Variants in RASA1 observed in about 807,000 individuals in gnomAD.
RASA1 encodes ras GTPase-activating protein 1.
Under a neutral mutation model 132.2 loss-of-function variants are expected in RASA1, and 25 were observed. The observed-to-expected ratio is 0.19, with a 90% CI of 0.14 to 0.26. The LOEUF (loss-of-function observed/expected upper bound fraction) is 0.26, where lower values mean the gene tolerates loss of function less well. RASA1 is among the 10% of genes least tolerant of loss of function. The probability of loss-of-function intolerance (pLI) is 1.00; values close to 1 mark genes in which losing one functional copy is unlikely to be tolerated. For missense variants in RASA1, 964 were observed against 1,299.2 expected (o/e 0.74, Z 3.97); for synonymous variants, 477 against 449.9 (o/e 1.06, Z -0.76).
rs781199990 is a variant in RASA1, at chr5:87,268,709, G to C, written c.258G>C (p.Leu86=). ...SVAGALGGAG[L]TGGGTAAGVA... ...CAGGGGCACTGGGGGGAGCTGGACT[G>C]ACAGGGGGAGGTACTGCTGCTGGCG... The change falls in exon 1 of 25, where the codon CTG becomes CTC. Residue 86 remains leucine, a synonymous_variant. Transcript: ENST00000274376. 4.5e-5 allele frequency: 73 copies of C among 1,612,148 alleles called. No homozygotes were observed. The highest frequency in any genetic ancestry group is 5.9e-5 in the Non-Finnish European group (70 of 1,179,254).
At chr5:87,379,884 G>C in intron 19 of RASA1, 34 bp downstream of exon 19, 1 of 1,591,426 alleles carries the variant, frequency 6.3e-7, no homozygotes, top group Non-Finnish European at 8.6e-7. Flanking sequence ...ACAAGAAATT[G>C]TGTATCTATG....
At chr5:87,352,583 A>G (rs930604167) in intron 8 of RASA1, among the ~76,000 whole-genome samples, 8 of 151,788 alleles carry the variant, frequency 5.3e-5, no homozygotes, top group Non-Finnish European at 1.0e-4. Flanking sequence ...ATATTTCCCA[A>G]TTTGTAGCAC....
At position 87,315,370 on chromosome 5, in the gene RASA1, CCTT is replaced by C. The variant is rs950026241; in HGVS notation, c.540-15975_540-15973del. Among the ~76,000 whole-genome samples the C allele has an allele frequency of 1.6e-4, 25 of 152,298 alleles. 1 individual carries two copies. Among genetic ancestry groups the C allele is most frequent in the Admixed American group, 1.3e-3 (20 of 15,294 alleles). On this transcript the variant is annotated intron_variant, in intron 1 of 24. Transcript: ENST00000274376. ...CAGGAGAATGCCAGCTCAGGTCTCT[CCTT>C]CTCTTATAAAAACCACCAATCCCAT...
chr5:87,285,453 A>G (rs989790889), intron 1 of RASA1, among the ~76,000 whole-genome samples: 5 of 152,072 alleles, frequency 3.3e-5, no homozygotes, highest in South Asian at 2.1e-4. Flanking sequence ...GTGGAATAAA[A>G]GTTTAAATAT....
Position 87,377,011 on chromosome 5 carries a change from C to T in RASA1, c.2315C>T (p.Thr772Ile). ...HEKLESLLLC[T>I]LNDREISMED... ...AAGCTTGAATCGTTGTTGTTATGCA[C>T]ACTAAATGACAGAGAAATAAGCATG... Residue 772 changes from threonine (T) to isoleucine (I), a missense_variant, in exon 17 of 25, where the codon ACA becomes ATA. Around this residue, in one of 6 missense-constraint regions of RASA1, gnomAD observed 346 missense variants for 520.1 expected, o/e 0.67. Transcript: ENST00000274376. 1.9e-6 allele frequency: 3 copies of T among 1,613,718 alleles called. No individual in the cohort carries two copies. Among genetic ancestry groups the T allele is most frequent in the Non-Finnish European group, 2.5e-6 (3 of 1,179,766 alleles).
At chr5:87,271,631 C>T (rs1235560462) in intron 1 of RASA1, among the ~76,000 whole-genome samples, 1 of 151,064 alleles carries the variant, frequency 6.6e-6, no homozygotes, top group Non-Finnish European at 1.5e-5. Context: ...TACAGGTGCC[C>T]GCAACCAGGC....
In RASA1 at chr5:87,330,930, T is replaced by C. The variant is rs1171126440; in HGVS notation, c.540-418T>C. ...TAAAATGGAATAAAACATTTTATAT[T>C]CTCATAGGTTCCATGTGCCTTGTGA... On this transcript the variant is annotated intron_variant, in intron 1 of 24. Coordinates refer to ENST00000274376, the MANE Select transcript of RASA1 (RefSeq NM_002890.3). 2.9e-6 allele frequency: 4 copies of C among 1,400,230 alleles called. No homozygotes were observed. In the Admixed American group the frequency reaches 1.2e-4, roughly 43 times the overall value. 86.7% of individuals were successfully genotyped at this position (1,400,230 alleles called of 1,614,324 possible).
intron 11 of RASA1, among the ~76,000 whole-genome samples, chr5:87,368,465 T>C (rs1004458448): frequency 9.9e-5 from 15 of 152,206 alleles, no homozygotes; most frequent in African/African-American, 3.4e-4. Context: ...TCCTGATGCC[T>C]GTAGTGTCTA....
intron 1 of RASA1, among the ~76,000 whole-genome samples, chr5:87,276,434 A>G (rs1163187045): frequency 6.6e-6 from 1 of 152,184 alleles, no homozygotes; most frequent in Non-Finnish European, 1.5e-5. Flanking sequence ...ATGTCTTGTC[A>G]CATCTCTACA....
At chr5:87,345,966 T>TAAA (rs1758829906) in intron 6 of RASA1, among the ~76,000 whole-genome samples, 1 of 152,136 alleles carries the variant, frequency 6.6e-6, no homozygotes, top group Non-Finnish European at 1.5e-5. Flanking sequence ...AATTACTTTT[T>TAAA]AAATCAGATA....
At chr5:87,275,036 A>G (rs1754005757) in intron 1 of RASA1, among the ~76,000 whole-genome samples, 2 of 152,178 alleles carry the variant, frequency 1.3e-5, no homozygotes, top group African/African-American at 4.8e-5. Context: ...AAACAGGCAA[A>G]CATTACTGGC....
At chr5:87,383,677 CT>C in intron 20 of RASA1, 35 bp from the exon 21 acceptor site, 1 of 1,218,188 alleles carries the variant, frequency 8.2e-7, no homozygotes, top group Admixed American at 2.0e-5. Flanking sequence ...TAGGTGTTTT[CT>C]AAAAAAAAAA....
Position 87,268,265 on chromosome 5 carries a change from A to C in RASA1, c.-187A>C. 1.2e-6 allele frequency: 1 copy of C among 853,044 alleles called. No homozygotes were observed. The highest frequency in any genetic ancestry group is 3.1e-5 in the Admixed American group (1 of 32,614). 52.8% of individuals were successfully genotyped at this position (853,044 alleles called of 1,614,324 possible). A position where few individuals can be genotyped will look rare whatever the true frequency, so the allele number is the denominator to read the frequency against. The stretch of plus-strand genomic sequence containing the variant: ...CCACTTGGCTTCCCGTAACCCAGGC[A>C]GCTGGGGAGCCTGGGCTGTGGCCCT... On this transcript the variant is annotated 5_prime_UTR_variant, in exon 1 of 25. Transcript: ENST00000274376.
At chr5:87,380,230 T>G (rs557947625) in intron 19 of RASA1, among the ~76,000 whole-genome samples, 10 of 152,184 alleles carry the variant, frequency 6.6e-5, no homozygotes, top group Non-Finnish European at 1.5e-4. Flanking sequence ...GAAGTTAACT[T>G]AAGTCTAAAT....
intron 18 of RASA1, among the ~76,000 whole-genome samples, chr5:87,378,758 C>A (rs189398739): frequency 6.6e-6 from 1 of 152,022 alleles, no homozygotes; most frequent in South Asian, 2.1e-4. Context: ...CAAGTTGCAC[C>A]AGAAATTCAT....
At chr5:87,285,324 C>T (rs1010324266) in intron 1 of RASA1, among the ~76,000 whole-genome samples, 2 of 151,966 alleles carry the variant, frequency 1.3e-5, no homozygotes, top group African/African-American at 4.8e-5. Context: ...TCCTCGGCCT[C>T]CCAAAGTGCT....
chr5:87,346,228 A>AGT (rs1758849649), intron 6 of RASA1, among the ~76,000 whole-genome samples: 1 of 152,054 alleles, frequency 6.6e-6, no homozygotes, highest in Non-Finnish European at 1.5e-5. Flanking sequence ...CTTTCAGCAA[A>AGT]GTAAGAGTCA....
At chr5:87,317,400 C>T (rs1756424199) in intron 1 of RASA1, among the ~76,000 whole-genome samples, 2 of 152,114 alleles carry the variant, frequency 1.3e-5, no homozygotes, top group Non-Finnish European at 2.9e-5. Context: ...CAAGTTCACT[C>T]ATCACTTTGC....
rs1241668340 is a variant in RASA1 at position 87,338,526 on chromosome 5, TATATATAAAA to T, written c.1017+436_1017+445del. Among the ~76,000 whole-genome samples the T allele has an allele frequency of 2.6e-4, 26 of 100,896 alleles. No individual in the cohort carries two copies. In the East Asian group the frequency reaches 3.5e-3, roughly 14 times the overall value. The allele number at this position is 100,896 out of a possible 152,430, so 66.2% of individuals were successfully genotyped here. On this transcript the variant is annotated intron_variant, in intron 5 of 24. Coordinates refer to ENST00000274376, the MANE Select transcript of RASA1 (RefSeq NM_002890.3). ...TTATATATATATATATATATATATA[TATATATAAAA>T]TTTTTTTTTTTTTTAAGTAGAAATG...
Sources: allele counts gnomAD v4.1 joint callset (sites outside exome capture counted in the v4.1 genomes callset), GRCh38; gene constraint gnomAD v4.1.1; regional missense constraint gnomAD v4.1.1; transcripts MANE v1.5; gene names NCBI Gene and HGNC (gene_info 2026-07-23, HGNC 2026-07-21).